The following ADAMTS18 variants were observed in gnomAD, a reference collection of about 807,000 sequenced individuals.
ADAMTS18 encodes the protein ADAM metallopeptidase with thrombospondin type 1 motif 18, also known as A disintegrin and metalloproteinase with thrombospondin motifs 18.
Under a neutral mutation model 165.9 loss-of-function variants are expected in ADAMTS18, and 157 were observed. The observed-to-expected ratio is 0.95, with a 90% CI of 0.83 to 1.08. The LOEUF (loss-of-function observed/expected upper bound fraction) is 1.08, where lower values mean the gene tolerates loss of function less well. Among genes scored for constraint, ADAMTS18 ranks in the 50% least tolerant of loss-of-function variants. The pLI, the probability that ADAMTS18 is intolerant of heterozygous loss-of-function variation, is 0.00. For synonymous variants in ADAMTS18, 782 were observed against 578.2 expected (o/e 1.35, Z -5.06); for missense variants, 2,040 against 1,534.0 (o/e 1.33, Z -5.51).
chr16:77,321,215 CA>C lies in ADAMTS18; in HGVS notation c.2164-14del, dbSNP rs35570495. 1.1e-5 allele frequency: 18 copies of C among 1,613,838 alleles called. 1 individual carries two copies. The South Asian group carries it at 2.0e-4, about 18-fold the overall frequency. On this transcript the variant is annotated splice_polypyrimidine_tract_variant and intron_variant, in intron 14 of 22. Transcript: ENST00000282849. ...CACATCCCACTAGCTGTGACAAAAA[CA>C]AAAAACGTGAGAAAATAAAAGATCA... is the stretch of plus-strand genomic sequence containing the variant.
chr16:77,382,033 T>G (rs1413684735), intron 3 of ADAMTS18, among the ~76,000 whole-genome samples: 3 of 152,110 alleles, frequency 2.0e-5, no homozygotes, highest in Non-Finnish European at 4.4e-5. Context: ...ATATTCTACG[T>G]ACTTTCAGGG....
chr16:77,331,144 C>G (rs1362576720), intron 12 of ADAMTS18, among the ~76,000 whole-genome samples: 6 of 152,168 alleles, frequency 3.9e-5, no homozygotes, highest in African/African-American at 7.2e-5. Context: ...TATTAGGCAT[C>G]TCTAAATTAC....
At chr16:77,383,612 C>G (rs2454940) in intron 3 of ADAMTS18, among the ~76,000 whole-genome samples, 28,536 of 152,008 alleles carry the variant, frequency 0.19, 3,501 homozygotes, top group Non-Finnish European at 0.28. Context: ...GGCGCAATCT[C>G]AGCTCACTGC....
Position 77,385,912 on chromosome 16 carries a change from C to G in ADAMTS18, c.496-18189G>C, listed in dbSNP as rs1461929481. 2.0e-5 allele frequency among the ~76,000 whole-genome samples: 3 copies of G among 152,242 alleles called. No homozygotes were observed. The South Asian group carries it at 6.2e-4, about 32-fold the overall frequency. On this transcript the variant is annotated intron_variant, in intron 3 of 22. Coordinates refer to ENST00000282849, the MANE Select transcript of ADAMTS18 (RefSeq NM_199355.4). Reference sequence around the variant, plus strand: ...GGATTAAGAGATGTTAGCAATTGTGCAGTCCATCCCCCTGATTTTACAGAG... The same window carrying G: ...GGATTAAGAGATGTTAGCAATTGTGGAGTCCATCCCCCTGATTTTACAGAG...
chr16:77,287,237 G>A (rs901683238), intron 22 of ADAMTS18, among the ~76,000 whole-genome samples: 8 of 152,130 alleles, frequency 5.3e-5, no homozygotes, highest in South Asian at 2.1e-4. Context: ...ATCTTCTTCC[G>A]TCACCATGCG....
chr16:77,344,291 G>C (rs1346701530), intron 10 of ADAMTS18, among the ~76,000 whole-genome samples: 1 of 151,784 alleles, frequency 6.6e-6, no homozygotes, highest in Non-Finnish European at 1.5e-5. Context: ...CCCCAGATGT[G>C]GGCACGTGTA....
intron 3 of ADAMTS18, among the ~76,000 whole-genome samples, chr16:77,389,381 G>A (rs902399798): frequency 1.3e-5 from 2 of 152,140 alleles, no homozygotes; most frequent in African/African-American, 4.8e-5. Flanking sequence ...TAAGTGAGGG[G>A]GTAGGTTTTG....
Position 77,283,738 on chromosome 16 carries a change from C to G in ADAMTS18, c.*218G>C, listed in dbSNP as rs978898951. The G allele has an allele frequency of 1.1e-5, 6 of 550,344 alleles. No individual in the cohort carries two copies. Among genetic ancestry groups the G allele is most frequent in the Non-Finnish European group, 2.0e-5 (6 of 306,626 alleles). The allele number at this position is 550,344 out of a possible 1,614,324, so 34.1% of individuals were successfully genotyped here. A position where few individuals can be genotyped will look rare whatever the true frequency, so the allele number is the denominator to read the frequency against. Reference sequence around the variant, plus strand: ...TTTTTTTTAAAGTCAGATTTGTCATCGCTTCCCATTTTCAAGTGCTTCAGA... The same window carrying G: ...TTTTTTTTAAAGTCAGATTTGTCATGGCTTCCCATTTTCAAGTGCTTCAGA... On this transcript the variant is annotated 3_prime_UTR_variant, in exon 23 of 23. Coordinates refer to ENST00000282849, the MANE Select transcript of ADAMTS18 (RefSeq NM_199355.4).
chr16:77,387,308 G>A (rs566666659), intron 3 of ADAMTS18, among the ~76,000 whole-genome samples: 46 of 152,266 alleles, frequency 3.0e-4, no homozygotes, highest in African/African-American at 1.1e-3. Context: ...TCTCATGTCG[G>A]ATAGTCATGG....
intron 3 of ADAMTS18, among the ~76,000 whole-genome samples, chr16:77,393,014 G>C (rs1389403095): frequency 6.6e-6 from 1 of 152,174 alleles, no homozygotes; most frequent in East Asian, 1.9e-4. Flanking sequence ...CCAGAATCAG[G>C]AATCGATGGG....
At chr16:77,289,937 A>C (rs1211459287) in intron 21 of ADAMTS18, among the ~76,000 whole-genome samples, 2 of 152,194 alleles carry the variant, frequency 1.3e-5, no homozygotes, top group African/African-American at 2.4e-5. Flanking sequence ...TGCAATTAAA[A>C]ATTTTCAAAA....
At chr16:77,378,642 G>C (rs987403940) in intron 3 of ADAMTS18, among the ~76,000 whole-genome samples, 8 of 152,104 alleles carry the variant, frequency 5.3e-5, no homozygotes, top group Non-Finnish European at 7.4e-5. Context: ...TTGAACCCAG[G>C]TGACGGAGGT....
At chr16:77,407,253 A>G (rs2057404779) in intron 3 of ADAMTS18, among the ~76,000 whole-genome samples, 1 of 152,164 alleles carries the variant, frequency 6.6e-6, no homozygotes, top group Admixed American at 6.5e-5. Flanking sequence ...TAGCATAAAA[A>G]TATCAAACAG....
intron 3 of ADAMTS18, among the ~76,000 whole-genome samples, chr16:77,411,613 T>A (rs1050695395): frequency 2.0e-5 from 3 of 151,014 alleles, no homozygotes; most frequent in Admixed American, 1.3e-4. Flanking sequence ...TACCATTGAA[T>A]GGTGAAAAGG....
At chr16:77,284,219 A>G in intron 22 of ADAMTS18, 148 bp from the exon 23 acceptor site, 2 of 610,078 alleles carry the variant, frequency 3.3e-6, no homozygotes, top group Non-Finnish European at 5.8e-6. Flanking sequence ...TCTGCTGCCC[A>G]GGTTCAAACG....
chr16:77,356,828 A>C (rs2056638047), intron 8 of ADAMTS18, among the ~76,000 whole-genome samples: 1 of 152,166 alleles, frequency 6.6e-6, no homozygotes, highest in African/African-American at 2.4e-5. Flanking sequence ...ATTTCCTGAC[A>C]GGAAGAATAA....
chr16:77,322,228 A>C, intron 14 of ADAMTS18, 108 bp downstream of exon 14: 1 of 1,315,170 alleles, frequency 7.6e-7, no homozygotes, highest in Non-Finnish European at 1.1e-6. Context: ...GCTCCATGCC[A>C]CCTGCTCTTC....
chr16:77,316,758 C>T (rs554761711), intron 16 of ADAMTS18, among the ~76,000 whole-genome samples: 1 of 152,218 alleles, frequency 6.6e-6, no homozygotes, highest in South Asian at 2.1e-4. Context: ...CAGCCTCTGC[C>T]TCCCAAGCTC....
chr16:77,321,210 A>T lies in ADAMTS18; in HGVS notation c.2164-8T>A. The T allele has an allele frequency of 1.2e-6, 2 of 1,614,110 alleles. No individual in the cohort carries two copies. The highest frequency in any genetic ancestry group is 1.7e-6 in the Non-Finnish European group (2 of 1,180,014). On this transcript the variant is annotated splice_region_variant and splice_polypyrimidine_tract_variant and intron_variant, in intron 14 of 22. Coordinates refer to ENST00000282849, the MANE Select transcript of ADAMTS18 (RefSeq NM_199355.4). ...ATGATCACATCCCACTAGCTGTGAC[A>T]AAAACAAAAAACGTGAGAAAATAAA...
Sources: allele counts gnomAD v4.1 joint callset (sites outside exome capture counted in the v4.1 genomes callset), GRCh38; gene constraint gnomAD v4.1.1; transcripts MANE v1.5; gene names NCBI Gene and HGNC (gene_info 2026-07-23, HGNC 2026-07-21).